CFAP126: variants seen among roughly 807,000 people sequenced by gnomAD.
The protein encoded by CFAP126 is protein Flattop.
A neutral mutation model predicts 17.1 loss-of-function variants in CFAP126; 21 were observed. The observed-to-expected ratio is 1.23, with a 90% CI of 0.87 to 1.77. The LOEUF is 1.77. Ranked by LOEUF, CFAP126 falls within the 40% of genes most tolerant of loss-of-function variation. The pLI, the probability that CFAP126 is intolerant of heterozygous loss-of-function variation, is 0.00. For missense variants in CFAP126, 174 were observed against 215.4 expected (o/e 0.81, Z 1.20); for synonymous variants, 65 against 73.5 (o/e 0.88, Z 0.59).
intron 1 of CFAP126, 140 bp from the exon 2 acceptor site, chr1:161,366,641 AATT>A: frequency 1.3e-6 from 1 of 781,454 alleles, no homozygotes; most frequent in African/African-American, 1.7e-5. Flanking sequence ...ACAAGGGTGT[AATT>A]TGTTTGGTCT....
chr1:161,366,420 T>G lies in CFAP126; in HGVS notation c.90+19A>C, dbSNP rs753991845. On this transcript the variant is annotated intron_variant, in intron 2 of 4. Coordinates refer to ENST00000367974, the MANE Select transcript of CFAP126 (RefSeq NM_001013625.4). ...GGAGAGCATGAGGCTATCTTGTAGG[T>G]GCACTGAACATGGAATACCTCTTTT... is the stretch of plus-strand genomic sequence containing the variant. 26 of 1,609,876 alleles carry G rather than the reference T, an allele frequency of 1.6e-5. 1 individual carries two copies. The South Asian group carries it at 2.6e-4, about 16-fold the overall frequency.
rs1023625012 is a variant in CFAP126, at chr1:161,367,576, C to T, written c.27+266G>A. ...AGCTACAGAATATTTTTGACTTTGC[C>T]ACTTGGCCTGCAAAGCCTAAAATTT... is the stretch of plus-strand genomic sequence containing the variant. On this transcript the variant is annotated intron_variant, in intron 1 of 4. Transcript: ENST00000367974. 7.4e-5 allele frequency: 29 copies of T among 390,728 alleles called. 1 individual carries two copies. In the Admixed American group the frequency reaches 1.2e-3, roughly 16 times the overall value. The allele number at this position is 390,728 out of a possible 1,614,324, so 24.2% of individuals were successfully genotyped here. A position where few individuals can be genotyped will look rare whatever the true frequency, so the allele number is the denominator to read the frequency against.
rs544257853 is a variant in CFAP126 at position 161,366,233 on chromosome 1, G to A, written c.136C>T (p.Arg46Cys). 39 of 1,613,884 alleles carry A rather than the reference G, an allele frequency of 2.4e-5. No homozygotes were observed. Among genetic ancestry groups the A allele is most frequent in the African/African-American group, 6.7e-5 (5 of 75,042 alleles). The change falls in exon 3 of 5, where the codon CGT becomes TGT. Residue 46 changes from arginine to cysteine, a missense_variant. Arg to Cys is a radical substitution (Grantham distance 180, BLOSUM62 -3). Coordinates refer to ENST00000367974, the MANE Select transcript of CFAP126 (RefSeq NM_001013625.4). Reference sequence around the variant, plus strand: ...GGCACAGAAGGCAGTAGATGACCACGATCGTTGGCAATAATTTGAGTGTAG... The same window carrying A: ...GGCACAGAAGGCAGTAGATGACCACAATCGTTGGCAATAATTTGAGTGTAG... The part of the protein sequence containing the change: ...EGYTQIIAND[R>C]GHLLPSVPRS...
intron 1 of CFAP126, chr1:161,367,622 GA>G (rs539169576): frequency 1.7e-5 from 7 of 416,106 alleles, no homozygotes; most frequent in South Asian, 1.1e-4. Flanking sequence ...CCCTTTTACA[GA>G]AAAAAAATTG....
intron 4 of CFAP126, 98 bp from the exon 5 acceptor site, chr1:161,365,248 C>T: frequency 5.7e-6 from 7 of 1,220,540 alleles, no homozygotes; most frequent in Non-Finnish European, 8.1e-6. Flanking sequence ...CTCCCCATAC[C>T]ATGGGCAGTA....
At chr1:161,367,488 TCA>T (rs1489889478) in intron 1 of CFAP126, 4 of 223,134 alleles carry the variant, frequency 1.8e-5, no homozygotes, top group Admixed American at 5.7e-5. Context: ...AAAATTGTAC[TCA>T]GTTATATTTT....
chr1:161,367,830 A>G lies in CFAP126; in HGVS notation c.27+12T>C. On this transcript the variant is annotated intron_variant, in intron 1 of 4. Transcript: ENST00000367974. ...AAAGTAAACGTTAAAGAAATGGAGA[A>G]TGGGAACTTACCTGGTTGGCACTGT... is the stretch of plus-strand genomic sequence containing the variant. 1 of 1,611,036 alleles carries G rather than the reference A, an allele frequency of 6.2e-7. No individual in the cohort carries two copies.
At position 161,365,674 on chromosome 1, in the gene CFAP126, G is replaced by C; in HGVS notation, c.200C>G (p.Thr67Ser). Residue 67 changes from threonine (T) to serine (S), a missense_variant, in exon 4 of 5, where the codon ACC becomes AGC. By Grantham distance (58) the Thr-to-Ser change is moderately conservative. Coordinates refer to ENST00000367974, the MANE Select transcript of CFAP126 (RefSeq NM_001013625.4). ...KANPWGSFMG[T>S]WQMPLKIPPA... is the part of the protein sequence containing the mutation. ...GGGTATCTTCAGAGGCATTTGCCAG[G>C]TGCCCATGAAGGAACCCCAAGGATT... The C allele has an allele frequency of 6.2e-7, 1 of 1,603,508 alleles. No homozygotes were observed. Among genetic ancestry groups the C allele is most frequent in the Non-Finnish European group, 8.5e-7 (1 of 1,175,100 alleles).
Position 161,365,696 on chromosome 1 carries a change from GA to G in CFAP126, c.177del (p.Pro60LeufsTer13). The G allele has an allele frequency of 6.3e-7, 1 of 1,583,408 alleles. No individual in the cohort carries two copies. Among genetic ancestry groups the G allele is most frequent in the Non-Finnish European group, 8.6e-7 (1 of 1,166,234 alleles). ...LLPSVPRSKANPWGSFMGTWQ... is the reference protein window; with the variant it reads ...LLPSVPRSKAXPWGSFMGTWQ... ...CAGGTGCCCATGAAGGAACCCCAAGGATTTGCCTAAAAATGAAAAGGGATTC... is the reference window on the plus strand; with the variant it reads ...CAGGTGCCCATGAAGGAACCCCAAGGTTTGCCTAAAAATGAAAAGGGATTC... On this transcript the variant is annotated frameshift_variant, in exon 4 of 5. Transcript: ENST00000367974. LOFTEE classifies it high-confidence loss of function.
intron 1 of CFAP126, 101 bp downstream of exon 1, chr1:161,367,738 TCAG>T (rs1305298382): frequency 9.0e-7 from 1 of 1,110,594 alleles, no homozygotes; most frequent in African/African-American, 1.6e-5. Context: ...CACTCCACTC[TCAG>T]CTATCTGTTC....
rs1348094533 is a variant in CFAP126, at chr1:161,365,115, CT to C, written c.383del (p.Lys128ArgfsTer16). ...HDPDSQKKLR[K>X]KSITKTVQQA... ...GTTGTACAGTCTTTGTGATAGACTTCTTTCTGAGTTTCTTCTGACTGTCTGG... is the reference window on the plus strand; with the variant it reads ...GTTGTACAGTCTTTGTGATAGACTTCTTCTGAGTTTCTTCTGACTGTCTGG... On this transcript the variant is annotated frameshift_variant, in exon 5 of 5. Coordinates refer to ENST00000367974, the MANE Select transcript of CFAP126 (RefSeq NM_001013625.4). LOFTEE classifies it low-confidence loss of function (END_TRUNC). 1 of 1,614,122 alleles carries C rather than the reference CT, an allele frequency of 6.2e-7. No individual in the cohort carries two copies. Among genetic ancestry groups the C allele is most frequent in the African/African-American group, 1.3e-5 (1 of 75,012 alleles).
At chr1:161,365,445 G>A (rs1487712527) in intron 4 of CFAP126, 81 bp downstream of exon 4, 27 of 1,503,816 alleles carry the variant, frequency 1.8e-5, no homozygotes, top group Non-Finnish European at 2.5e-5. Context: ...TGGGATAGTG[G>A]TGGCATAACA....
chr1:161,367,310 G>A (rs1470727747), intron 1 of CFAP126: 1 of 152,562 alleles, frequency 6.6e-6, no homozygotes, highest in East Asian at 1.9e-4. Context: ...ATGGCCTATG[G>A]GCCATATCCA....
chr1:161,365,100 CTT>C lies in CFAP126; in HGVS notation c.397_398del (p.Lys133AspfsTer24). ...TTGGACTTCGTGCTTGTTGTACAGTCTTTGTGATAGACTTCTTTCTGAGTTTC... is the reference window on the plus strand; with the variant it reads ...TTGGACTTCGTGCTTGTTGTACAGTCTGTGATAGACTTCTTTCTGAGTTTC... ...QKKLRKKSIT[K>X]TVQQARSPTI... On this transcript the variant is annotated frameshift_variant, in exon 5 of 5. Coordinates refer to ENST00000367974, the MANE Select transcript of CFAP126 (RefSeq NM_001013625.4). LOFTEE classifies it low-confidence loss of function (END_TRUNC). 6.2e-7 allele frequency: 1 copy of C among 1,614,126 alleles called. No homozygotes were observed. Among genetic ancestry groups the C allele is most frequent in the Non-Finnish European group, 8.5e-7 (1 of 1,180,012 alleles).
chr1:161,365,871 G>T (rs1199765066), intron 3 of CFAP126, 169 bp from the exon 4 acceptor site: 1 of 721,074 alleles, frequency 1.4e-6, no homozygotes, highest in East Asian at 2.7e-5. Context: ...GGCTTTGCAG[G>T]CCTAATTTTT....
intron 1 of CFAP126, chr1:161,367,299 T>C (rs1409271043): frequency 6.6e-6 from 1 of 152,462 alleles, no homozygotes. Context: ...GTTGGTAAAC[T>C]ATGGCCTATG....
intron 1 of CFAP126, chr1:161,366,768 G>A (rs1334310238): frequency 2.1e-6 from 1 of 466,736 alleles, no homozygotes; most frequent in African/African-American, 2.0e-5. Context: ...GAATTTTTAA[G>A]TTTTTTTCTT....
At position 161,366,258 on chromosome 1, in the gene CFAP126, G is replaced by A. The variant is rs151192609; in HGVS notation, c.111C>T (p.Gly37=). ...PTKESISSHE[G]YTQIIANDRG... ...GATCGTTGGCAATAATTTGAGTGTAGCCTTCATGAGAAGAGATGCTCTGGG... is the reference window on the plus strand; with the variant it reads ...GATCGTTGGCAATAATTTGAGTGTAACCTTCATGAGAAGAGATGCTCTGGG... The change falls in exon 3 of 5, where the codon GGC becomes GGT. Residue 37 remains glycine, a synonymous_variant. Transcript: ENST00000367974. 5.6e-4 allele frequency: 903 copies of A among 1,613,770 alleles called. No individual in the cohort carries two copies. Among genetic ancestry groups the A allele is most frequent in the Non-Finnish European group, 6.9e-4 (815 of 1,179,716 alleles).
chr1:161,365,362 C>A lies in CFAP126; in HGVS notation c.348+164G>T, dbSNP rs1672692099. 8.4e-6 allele frequency: 8 copies of A among 950,774 alleles called. No homozygotes were observed. In the South Asian group the frequency reaches 1.1e-4, roughly 13 times the overall value. 58.9% of individuals were successfully genotyped at this position (950,774 alleles called of 1,614,324 possible). On this transcript the variant is annotated intron_variant, in intron 4 of 4. Coordinates refer to ENST00000367974, the MANE Select transcript of CFAP126 (RefSeq NM_001013625.4). ...CTGTTGGGGGTATGATGTCCTTAGC[C>A]CATCCCTTCAGGCCTCAGAAGGTGA...
Sources: gnomAD v4.1 joint callset for allele counts on GRCh38, gnomAD v4.1.1 for gene constraint, MANE v1.5 for transcripts, NCBI Gene and HGNC (gene_info 2026-07-23, HGNC 2026-07-21) for gene names.